Variants in AIG1 observed in about 807,000 individuals in gnomAD.
The protein encoded by AIG1 is androgen induced 1.
A neutral mutation model predicts 31.4 loss-of-function variants in AIG1; 23 were observed. The ratio of observed to expected loss-of-function variants is 0.73; its 90% CI spans 0.53 to 1.04. The LOEUF is 1.04. AIG1 is among the 50% of genes least tolerant of loss of function. The pLI is 0.00. For synonymous variants in AIG1, 100 were observed against 110.5 expected (o/e 0.90, Z 0.60); for missense variants, 274 against 295.0 (o/e 0.93, Z 0.52).
intron 3 of AIG1, among the ~76,000 whole-genome samples, chr6:143,261,257 A>G (rs1272360841): frequency 6.6e-6 from 1 of 152,058 alleles, no homozygotes; most frequent in African/African-American, 2.4e-5. Flanking sequence ...TCAGCCTCCC[A>G]ACTAGCTGGG....
intron 1 of AIG1, chr6:143,061,339 TG>T (rs1181320812): frequency 6.9e-6 from 4 of 581,936 alleles, no homozygotes; most frequent in South Asian, 3.1e-5. Flanking sequence ...AGCCAGGTGG[TG>T]GGCTCTTTGG....
rs1222341282 is a variant in AIG1 at position 143,190,618 on chromosome 6, C to T, written c.399+25435C>T. On this transcript the variant is annotated intron_variant, in intron 3 of 5. Coordinates refer to ENST00000357847, the MANE Select transcript of AIG1 (RefSeq NM_016108.4). ...AAAAACTTCATTCAGTGTCCTGGCA[C>T]AGATCCTCCAGTTGAACAGGGGCCT... is the stretch of plus-strand genomic sequence containing the variant. The T allele has an allele frequency of 5.1e-6, 5 of 985,360 alleles. No individual in the cohort carries two copies. In the East Asian group the frequency reaches 5.7e-4, roughly 112 times the overall value. 61.0% of individuals were successfully genotyped at this position (985,360 alleles called of 1,614,324 possible).
At chr6:143,096,446 G>T (rs1779800706) in intron 1 of AIG1, among the ~76,000 whole-genome samples, 1 of 152,172 alleles carries the variant, frequency 6.6e-6, no homozygotes, top group Non-Finnish European at 1.5e-5. Flanking sequence ...TCATTGGTCA[G>T]TTTCAAAGGT....
intron 3 of AIG1, among the ~76,000 whole-genome samples, chr6:143,273,171 TAGTC>T (rs1796657658): frequency 6.6e-6 from 1 of 152,204 alleles, no homozygotes; most frequent in African/African-American, 2.4e-5. Flanking sequence ...GAGAACCACA[TAGTC>T]AGAATTATGT....
intron 3 of AIG1, among the ~76,000 whole-genome samples, chr6:143,172,118 C>T (rs751418121): frequency 6.6e-6 from 1 of 152,064 alleles, no homozygotes; most frequent in Non-Finnish European, 1.5e-5. Context: ...TGAAGATTTT[C>T]TCCCATTCTG....
intron 1 of AIG1, among the ~76,000 whole-genome samples, chr6:143,063,245 T>C (rs1179604705): frequency 1.3e-5 from 2 of 152,196 alleles, no homozygotes; most frequent in African/African-American, 2.4e-5. Context: ...CTAATCACCA[T>C]ACAGGACTTT....
chr6:143,170,280 T>C (rs1053790925), intron 3 of AIG1, among the ~76,000 whole-genome samples: 1 of 152,170 alleles, frequency 6.6e-6, no homozygotes, highest in African/African-American at 2.4e-5. Context: ...TATTGGTCTA[T>C]TCAGGTTTTC....
intron 1 of AIG1, among the ~76,000 whole-genome samples, chr6:143,136,161 T>C (rs1783728249): frequency 6.6e-6 from 1 of 152,178 alleles, no homozygotes; most frequent in African/African-American, 2.4e-5. Context: ...TTATATTACT[T>C]TGGAAATATT....
chr6:143,319,980 A>T (rs1776073958), intron 4 of AIG1, among the ~76,000 whole-genome samples: 1 of 152,170 alleles, frequency 6.6e-6, no homozygotes, highest in African/African-American at 2.4e-5. Flanking sequence ...ATAAAGAATA[A>T]ATATCCAAAA....
chr6:143,308,507 A>C (rs1774982357), intron 4 of AIG1, among the ~76,000 whole-genome samples: 1 of 152,176 alleles, frequency 6.6e-6, no homozygotes, highest in African/African-American at 2.4e-5. Context: ...ATGCATTCTG[A>C]TAAGCGTCAC....
rs576224701 is a variant in AIG1, at chr6:143,308,174, C to T, written c.515+23949C>T. Among the ~76,000 whole-genome samples the T allele has an allele frequency of 3.9e-5, 6 of 152,380 alleles. No homozygotes were observed. The East Asian group carries it at 1.2e-3, about 29-fold the overall frequency. ...TTGCGCTTCCTGAGTGAGGCAATGC[C>T]TCGCCCTGCTTCGGCTCGCGCACGG... On this transcript the variant is annotated intron_variant, in intron 4 of 5. Coordinates refer to ENST00000357847, the MANE Select transcript of AIG1 (RefSeq NM_016108.4).
At chr6:143,059,401 C>A (rs775606331), upstream of AIG1, among the ~76,000 whole-genome samples, 1 of 152,130 alleles carries the variant, frequency 6.6e-6, no homozygotes, top group African/African-American at 2.4e-5. Flanking sequence ...ATTCCAGACA[C>A]ATTATTAAGG....
In AIG1 at chr6:143,190,980, AT is replaced by A. The variant is rs922717265; in HGVS notation, c.399+25806del. On this transcript the variant is annotated intron_variant, in intron 3 of 5. Transcript: ENST00000357847. ...CTGGGATAAGACTGAGACACTATCT[AT>A]TTTTTTTTAATGCTCCCTTACATAG... Among the ~76,000 whole-genome samples the A allele has an allele frequency of 1.2e-4, 18 of 150,560 alleles. 1 individual carries two copies. Among genetic ancestry groups the A allele is most frequent in the East Asian group, 1.2e-3 (6 of 5,048 alleles).
At chr6:143,216,049 T>A (rs1792004910) in intron 3 of AIG1, among the ~76,000 whole-genome samples, 1 of 151,902 alleles carries the variant, frequency 6.6e-6, no homozygotes, top group Non-Finnish European at 1.5e-5. Context: ...TCTGAGGCAC[T>A]GTGATTTTGA....
At position 143,245,076 on chromosome 6, in the gene AIG1, C is replaced by T. The variant is rs145902134; in HGVS notation, c.400-39034C>T. Among the ~76,000 whole-genome samples the T allele has an allele frequency of 8.5e-5, 13 of 152,280 alleles. No homozygotes were observed. The East Asian group carries it at 1.5e-3, about 18-fold the overall frequency. On this transcript the variant is annotated intron_variant, in intron 3 of 5. Transcript: ENST00000357847. ...GCCATTGTCTCTTTTAGTTGGAGAA[C>T]GGTGGGTCACCCATCTCGAAGCCCA... is the stretch of plus-strand genomic sequence containing the variant.
intron 1 of AIG1, among the ~76,000 whole-genome samples, chr6:143,098,437 T>TAAGTA (rs1223740772): frequency 3.3e-5 from 5 of 152,344 alleles, no homozygotes; most frequent in African/African-American, 9.6e-5. Flanking sequence ...CCTCCCTTAC[T>TAAGTA]GGTTCCTCTT....
chr6:143,276,184 A>G (rs563974779), intron 3 of AIG1, among the ~76,000 whole-genome samples: 1 of 152,348 alleles, frequency 6.6e-6, no homozygotes, highest in East Asian at 1.9e-4. Flanking sequence ...TTCCTATGAC[A>G]TATAGTTGCT....
intron 4 of AIG1, among the ~76,000 whole-genome samples, chr6:143,306,634 T>G (rs1377388709): frequency 6.6e-6 from 1 of 152,080 alleles, no homozygotes; most frequent in Non-Finnish European, 1.5e-5. Context: ...TCCCTTAACA[T>G]TTTTTCCTTC....
intron 1 of AIG1, among the ~76,000 whole-genome samples, chr6:143,068,761 A>G (rs1562340697): frequency 6.6e-6 from 1 of 152,114 alleles, no homozygotes. Context: ...TTGGAACTTT[A>G]GTACATACAG....
Sources: allele counts gnomAD v4.1 joint callset (sites outside exome capture counted in the v4.1 genomes callset), GRCh38; gene constraint gnomAD v4.1.1; transcripts MANE v1.5; gene names NCBI Gene and HGNC (gene_info 2026-07-23, HGNC 2026-07-21).